Variants in MPPED2 observed in about 807,000 individuals in gnomAD.
MPPED2 encodes metallophosphoesterase domain containing 2.
A neutral mutation model predicts 33.0 loss-of-function variants in MPPED2; 5 were observed. That is an observed-to-expected ratio of 0.15 (90% CI 0.08 to 0.32). MPPED2 has a LOEUF of 0.32. MPPED2 is among the 10% of genes least tolerant of loss of function. The pLI is 1.00. For synonymous variants in MPPED2, 136 were observed against 141.9 expected, an observed-to-expected ratio of 0.96 and a Z score of 0.29; for missense variants, 275 against 372.1, an observed-to-expected ratio of 0.74 and a Z score of 2.15.
At chr11:30,581,718 G>A (rs533321076) in intron 1 of MPPED2, among the ~76,000 whole-genome samples, 2 of 152,320 alleles carry the variant, frequency 1.3e-5, no homozygotes, top group Non-Finnish European at 2.9e-5. Context: ...ACAACCCGGG[G>A]CTTGAGTAAT....
At chr11:30,570,442 A>T (rs903617392) in intron 2 of MPPED2, among the ~76,000 whole-genome samples, 2 of 152,150 alleles carry the variant, frequency 1.3e-5, no homozygotes, top group African/African-American at 2.4e-5. Flanking sequence ...ACCAGTACAT[A>T]AAAGTCGTAT....
intron 6 of MPPED2, among the ~76,000 whole-genome samples, chr11:30,399,427 C>T (rs1334434116): frequency 6.6e-6 from 1 of 152,104 alleles, no homozygotes; most frequent in South Asian, 2.1e-4. Flanking sequence ...ATTCTTGATT[C>T]GAGAAATCAT....
chr11:30,494,719 C>T (rs1414678086), intron 4 of MPPED2, among the ~76,000 whole-genome samples: 2 of 88,712 alleles, frequency 2.3e-5, no homozygotes, highest in African/African-American at 9.2e-5. Context: ...GCCTGGGCAA[C>T]AGAGAGATAC....
intron 2 of MPPED2, among the ~76,000 whole-genome samples, chr11:30,568,108 G>C (rs1956526619): frequency 6.6e-6 from 1 of 152,088 alleles, no homozygotes; most frequent in Admixed American, 6.6e-5. Context: ...ACCATACATG[G>C]AACATTTAGA....
At chr11:30,512,826 A>G (rs1202816140) in intron 3 of MPPED2, among the ~76,000 whole-genome samples, 2 of 151,788 alleles carry the variant, frequency 1.3e-5, no homozygotes, top group African/African-American at 2.4e-5. Flanking sequence ...TATGGTGAAA[A>G]CTCGTCTCTA....
intron 5 of MPPED2, among the ~76,000 whole-genome samples, chr11:30,415,806 A>T (rs1948324416): frequency 6.6e-6 from 1 of 152,198 alleles, no homozygotes; most frequent in Admixed American, 6.5e-5. Flanking sequence ...TTTATACCAA[A>T]ATCAATGACT....
At chr11:30,503,707 C>T (rs1407366753) in intron 3 of MPPED2, among the ~76,000 whole-genome samples, 2 of 152,136 alleles carry the variant, frequency 1.3e-5, no homozygotes, top group Non-Finnish European at 2.9e-5. Context: ...TTTAAGACTG[C>T]CAATCCCTAT....
chr11:30,543,451 C>T (rs1955239959), intron 2 of MPPED2, among the ~76,000 whole-genome samples: 2 of 152,190 alleles, frequency 1.3e-5, no homozygotes, highest in South Asian at 4.1e-4. Flanking sequence ...CTCCAAAGTT[C>T]CATGATTAGC....
At chr11:30,420,677 C>T (rs1488528101) in intron 4 of MPPED2, among the ~76,000 whole-genome samples, 1 of 152,110 alleles carries the variant, frequency 6.6e-6, no homozygotes, top group Non-Finnish European at 1.5e-5. Flanking sequence ...TGCTCTCTTT[C>T]CTACCTCAAT....
At chr11:30,570,468 A>C (rs1285788934) in intron 2 of MPPED2, among the ~76,000 whole-genome samples, 2 of 152,150 alleles carry the variant, frequency 1.3e-5, no homozygotes, top group Non-Finnish European at 2.9e-5. Context: ...TTAAACATAG[A>C]ATGTATTAAA....
intron 4 of MPPED2, among the ~76,000 whole-genome samples, chr11:30,457,012 A>G (rs768470418): frequency 4.1e-4 from 63 of 152,224 alleles, no homozygotes; most frequent in Non-Finnish European, 7.9e-4. Context: ...GGAGTAAGCT[A>G]TAGAGAGAAA....
chr11:30,423,639 C>T (rs954184341), intron 4 of MPPED2, among the ~76,000 whole-genome samples: 1 of 152,112 alleles, frequency 6.6e-6, no homozygotes, highest in South Asian at 2.1e-4. Flanking sequence ...CCAGACTGGC[C>T]AATTATTGGC....
In MPPED2 at chr11:30,471,609, GAC is replaced by G. The variant is rs150611686; in HGVS notation, c.536+23685_536+23686del. Among the ~76,000 whole-genome samples the G allele has an allele frequency of 1.1e-3, 169 of 152,304 alleles. 2 individuals carry two copies. Among genetic ancestry groups the G allele is most frequent in the African/African-American group, 3.9e-3 (163 of 41,570 alleles). ...CTTACAAAATTGCTGTAGCACTTGT[GAC>G]AGTCTGTTAAATGATCTACTTCTCT... On this transcript the variant is annotated intron_variant, in intron 4 of 6. Coordinates refer to ENST00000358117, the MANE Select transcript of MPPED2 (RefSeq NM_001584.3).
intron 2 of MPPED2, among the ~76,000 whole-genome samples, chr11:30,549,148 C>T (rs933818947): frequency 3.9e-5 from 6 of 152,174 alleles, no homozygotes; most frequent in South Asian, 2.1e-4. Flanking sequence ...TCAGTGTGTA[C>T]GCATATGCAT....
At chr11:30,407,286 G>A (rs1231520940), downstream of MPPED2, among the ~76,000 whole-genome samples, 3 of 152,240 alleles carry the variant, frequency 2.0e-5, no homozygotes, top group Non-Finnish European at 4.4e-5. Context: ...GAGGTGGAGA[G>A]GAAAGATTGC....
chr11:30,555,701 C>T (rs1441844849), intron 2 of MPPED2, among the ~76,000 whole-genome samples: 3 of 152,202 alleles, frequency 2.0e-5, no homozygotes, highest in Non-Finnish European at 2.9e-5. Flanking sequence ...ATTGTGAGGC[C>T]TTCCCAGCTG....
At chr11:30,492,482 T>G (rs1337531586) in intron 4 of MPPED2, among the ~76,000 whole-genome samples, 1 of 152,172 alleles carries the variant, frequency 6.6e-6, no homozygotes, top group East Asian at 1.9e-4. Context: ...GATCTTAACT[T>G]GCATGTAGAG....
chr11:30,435,684 C>A (rs1266492688), intron 4 of MPPED2, among the ~76,000 whole-genome samples: 1 of 152,206 alleles, frequency 6.6e-6, no homozygotes, highest in African/African-American at 2.4e-5. Context: ...AGACTGGAAT[C>A]TCTCCCAGTT....
Position 30,462,398 on chromosome 11 carries a change from C to T in MPPED2, c.536+32898G>A, listed in dbSNP as rs77973278. On this transcript the variant is annotated intron_variant, in intron 4 of 6. Transcript: ENST00000358117. The stretch of plus-strand genomic sequence containing the variant: ...CCACAACTTATACACTCAACTTGGG[C>T]GGGAAGGAATAATAGACTTCAATAC... Among the ~76,000 whole-genome samples the T allele has an allele frequency of 3.8e-3, 584 of 152,034 alleles. 4 individuals carry two copies. The highest frequency in any genetic ancestry group is 0.013 in the African/African-American group (549 of 41,454).
Sources: allele counts gnomAD v4.1 joint callset (sites outside exome capture counted in the v4.1 genomes callset), GRCh38; gene constraint gnomAD v4.1.1; transcripts MANE v1.5; gene names NCBI Gene and HGNC (gene_info 2026-07-23, HGNC 2026-07-21).